The following CAST variants were observed in gnomAD, a reference collection of about 807,000 sequenced individuals.
CAST encodes the protein MIR583 host.
CAST carries 76 observed loss-of-function variants against 119.6 expected under a neutral mutation model. That is an observed-to-expected ratio of 0.64 (90% confidence interval 0.53 to 0.77). CAST has a LOEUF of 0.77. CAST is among the 30% of genes least tolerant of loss of function. The pLI is 0.00. For missense variants in CAST, 953 were observed against 946.5 expected (o/e 1.01, Z -0.09); for synonymous variants, 319 against 331.6 (o/e 0.96, Z 0.41).
intron 1 of CAST, among the ~76,000 whole-genome samples, chr5:96,644,439 T>TAAA (rs1747991832): frequency 6.6e-6 from 1 of 152,204 alleles, no homozygotes; most frequent in Non-Finnish European, 1.5e-5. Context: ...TTATTACAAA[T>TAAA]AAAAATTTAC....
At chr5:95,979,507 T>A in the CAST span, among the ~76,000 whole-genome samples, 1 of 152,018 alleles carries the variant, frequency 6.6e-6, no homozygotes, top group East Asian at 1.9e-4. Flanking sequence ...TGTGTGTTAT[T>A]TCTGAATATA....
At chr5:96,668,809 TAAA>T (rs34079986) in intron 1 of CAST, among the ~76,000 whole-genome samples, 1 of 144,344 alleles carries the variant, frequency 6.9e-6, no homozygotes, top group Non-Finnish European at 1.5e-5. Context: ...GTTACCCAGG[TAAA>T]AAAAAAAAAG....
chr5:96,042,430 G>T, the CAST span, among the ~76,000 whole-genome samples: 1 of 152,114 alleles, frequency 6.6e-6, no homozygotes, highest in Admixed American at 6.6e-5. Context: ...TTGATTTTCA[G>T]ATTGCTACCC....
At chr5:96,231,455 T>C in the CAST span, among the ~76,000 whole-genome samples, 1 of 152,064 alleles carries the variant, frequency 6.6e-6, no homozygotes, top group African/African-American at 2.4e-5. Flanking sequence ...CAGAAAATAA[T>C]GCGCTTAACC....
chr5:96,152,928 T>C, the CAST span, among the ~76,000 whole-genome samples: 1 of 152,198 alleles, frequency 6.6e-6, no homozygotes, highest in Non-Finnish European at 1.5e-5. Context: ...TCCTGTAAGA[T>C]GTATTTAAAA....
At chr5:96,173,984 C>G in the CAST span, among the ~76,000 whole-genome samples, 1 of 152,104 alleles carries the variant, frequency 6.6e-6, no homozygotes, top group African/African-American at 2.4e-5. Context: ...CCGTGTGATC[C>G]TCCCGCCTTA....
the CAST span, among the ~76,000 whole-genome samples, chr5:96,281,285 GGTAGCATGACTTTAGGC>G: frequency 1.3e-5 from 2 of 152,086 alleles, no homozygotes; most frequent in Non-Finnish European, 2.9e-5. Context: ...AAACTCAAAA[GGTAGCATGACTTTAGGC>G]GTGACTAGAT....
chr5:95,962,132 T>A, the CAST span: 1 of 354,698 alleles, frequency 2.8e-6, no homozygotes. Flanking sequence ...CCAGGCTGGC[T>A]TGGGGACTCC....
chr5:96,224,758 T>A, the CAST span, among the ~76,000 whole-genome samples: 22 of 152,218 alleles, frequency 1.4e-4, no homozygotes, highest in Admixed American at 3.9e-4. Flanking sequence ...AGCCACGGGA[T>A]ACTAATTTAC....
the CAST span, among the ~76,000 whole-genome samples, chr5:96,367,590 A>G: frequency 6.6e-6 from 1 of 152,072 alleles, no homozygotes; most frequent in Non-Finnish European, 1.5e-5. Context: ...GCTGGCAATG[A>G]GCTAGGCTCT....
chr5:96,454,294 T>G, the CAST span, among the ~76,000 whole-genome samples: 43 of 152,204 alleles, frequency 2.8e-4, no homozygotes, highest in Admixed American at 7.2e-4. Flanking sequence ...GCCAGAGATA[T>G]CAAATAACCA....
At chr5:96,321,118 G>A in the CAST span, among the ~76,000 whole-genome samples, 1 of 152,158 alleles carries the variant, frequency 6.6e-6, no homozygotes, top group Non-Finnish European at 1.5e-5. Context: ...TCAGCTATCT[G>A]CCTAGCCATT....
At chr5:96,169,608 T>C in the CAST span, among the ~76,000 whole-genome samples, 21 of 152,128 alleles carry the variant, frequency 1.4e-4, no homozygotes, top group Non-Finnish European at 3.1e-4. Context: ...TTTAATCCTT[T>C]TAAAGCGTGC....
At chr5:95,998,825 A>G in the CAST span, among the ~76,000 whole-genome samples, 1 of 152,192 alleles carries the variant, frequency 6.6e-6, no homozygotes, top group Non-Finnish European at 1.5e-5. Flanking sequence ...AGAACTCTCC[A>G]TGCTGCTTTC....
chr5:96,255,200 G>A, the CAST span, among the ~76,000 whole-genome samples: 16 of 152,132 alleles, frequency 1.1e-4, no homozygotes, highest in Non-Finnish European at 1.6e-4. Flanking sequence ...AGGGCTGTTG[G>A]GTTGAACTTT....
chr5:96,716,919 C>T (rs915261673), intron 3 of CAST, among the ~76,000 whole-genome samples: 2 of 152,120 alleles, frequency 1.3e-5, no homozygotes, highest in African/African-American at 4.8e-5. Flanking sequence ...GCTTAATTGA[C>T]CTCCCATGGA....
intron 1 of CAST, among the ~76,000 whole-genome samples, chr5:96,555,822 C>T (rs560411395): frequency 6.6e-6 from 1 of 152,224 alleles, no homozygotes; most frequent in Non-Finnish European, 1.5e-5. Context: ...AAACAAAAGG[C>T]AGCAGAAACC....
At chr5:95,998,202 T>G in the CAST span, among the ~76,000 whole-genome samples, 1 of 152,052 alleles carries the variant, frequency 6.6e-6, no homozygotes, top group Non-Finnish European at 1.5e-5. Context: ...TTGGTTATTT[T>G]CCATACATTT....
At chr5:96,130,398 G>A in the CAST span, among the ~76,000 whole-genome samples, 1 of 150,002 alleles carries the variant, frequency 6.7e-6, no homozygotes, top group African/African-American at 2.5e-5. Flanking sequence ...AGACACAGAA[G>A]ATGTAACATG....
Sources: allele counts gnomAD v4.1 joint callset (sites outside exome capture counted in the v4.1 genomes callset), GRCh38; gene constraint gnomAD v4.1.1; transcripts MANE v1.5; gene names NCBI Gene and HGNC (gene_info 2026-07-23, HGNC 2026-07-21).